PACSIN2: variants seen among roughly 807,000 people sequenced by gnomAD.
PACSIN2 encodes protein kinase C and casein kinase substrate in neurons 2.
In PACSIN2, 25 loss-of-function variants were observed where a neutral mutation model predicts 63.8. The observed-to-expected ratio is 0.39, with a 90% CI of 0.29 to 0.55. The LOEUF (loss-of-function observed/expected upper bound fraction) is 0.55, where lower values mean the gene tolerates loss of function less well. Among genes scored for constraint, PACSIN2 ranks in the 20% least tolerant of loss-of-function variants. PACSIN2 has a pLI of 0.62. For synonymous variants in PACSIN2, 255 were observed against 256.2 expected (o/e 1.00, Z 0.05); for missense variants, 518 against 646.9 (o/e 0.80, Z 2.16).
At chr22:42,890,691 GGA>G (rs377688332) in intron 4 of PACSIN2, among the ~76,000 whole-genome samples, 1 of 152,178 alleles carries the variant, frequency 6.6e-6, no homozygotes, top group African/African-American at 2.4e-5. Flanking sequence ...CTCCAGCCTG[GGA>G]GAGAGAGTGA....
intron 8 of PACSIN2, among the ~76,000 whole-genome samples, chr22:42,878,189 C>A (rs5751398): frequency 6.6e-6 from 1 of 152,220 alleles, no homozygotes; most frequent in Non-Finnish European, 1.5e-5. Flanking sequence ...GGCAGTGTTT[C>A]TTCTTTCCCA....
rs143573507 is a variant in PACSIN2 at position 42,969,544 on chromosome 22, C to T, written c.-78+45477G>A. On this transcript the variant is annotated intron_variant, in intron 1 of 10. Transcript: ENST00000263246. ...CCTCCCACCTCAATAACTCTGGCAA[C>T]GATGACCATTGTAACACCGGCATTA... Among the ~76,000 whole-genome samples the T allele has an allele frequency of 2.8e-3, 433 of 152,252 alleles. 4 individuals are homozygous for T. The highest frequency in any genetic ancestry group is 0.02 in the Middle Eastern group (6 of 294).
At chr22:42,873,222 C>A (rs1372603225) in intron 10 of PACSIN2, among the ~76,000 whole-genome samples, 2 of 152,168 alleles carry the variant, frequency 1.3e-5, no homozygotes, top group Admixed American at 6.5e-5. Flanking sequence ...CTGGAAGAAA[C>A]ATTTTAAATC....
intron 1 of PACSIN2, among the ~76,000 whole-genome samples, chr22:42,927,409 TA>T (rs1932606486): frequency 6.6e-6 from 1 of 152,148 alleles, no homozygotes; most frequent in South Asian, 2.1e-4. Context: ...CATGCCCAGC[TA>T]ATTTTTAAAA....
intron 1 of PACSIN2, among the ~76,000 whole-genome samples, chr22:42,981,592 C>G (rs1922140031): frequency 4.9e-5 from 6 of 123,574 alleles, no homozygotes; most frequent in African/African-American, 6.3e-5. Context: ...CCGGCTGCCC[C>G]TACTGGGAAG....
chr22:43,014,358 A>C, intron 1 of PACSIN2, among the ~76,000 whole-genome samples: 1 of 15,962 alleles, frequency 6.3e-5, no homozygotes, highest in African/African-American at 3.9e-4. Context: ...ACACAGACAC[A>C]CACACACCAC....
In PACSIN2 at chr22:42,871,560, G is replaced by C. The variant is rs1462689947; in HGVS notation, c.1349-91C>G. The C allele has an allele frequency of 1.2e-5, 12 of 997,534 alleles. No homozygotes were observed. The South Asian group carries it at 1.5e-4, about 13-fold the overall frequency. The allele number at this position is 997,534 out of a possible 1,614,324, so 61.8% of individuals were successfully genotyped here. On this transcript the variant is annotated intron_variant, in intron 10 of 10. Transcript: ENST00000263246. This position sits in a 1 kb window ranked among gnomAD's most constrained non-coding sequence, Gnocchi z 5.4. ...ATTCACGAGCTTTGAGCCCACAGAG[G>C]GTGGAGGGCCAGGCATTCTGTGGCG...
intron 1 of PACSIN2, among the ~76,000 whole-genome samples, chr22:42,981,573 C>T (rs1290457009): frequency 2.5e-5 from 3 of 118,358 alleles, no homozygotes; most frequent in African/African-American, 1.0e-4. Context: ...AGGTGAGGGG[C>T]GCCTCTGCCC....
rs1922130664 is a variant in PACSIN2, at chr22:42,981,523, G to A, written c.-78+33498C>T. Among the ~76,000 whole-genome samples, 2 of 98,314 alleles carry A rather than the reference G, an allele frequency of 2.0e-5. 1 individual carries two copies. The highest frequency in any genetic ancestry group is 4.1e-5 in the Non-Finnish European group (2 of 48,574). The allele number at this position is 98,314 out of a possible 152,430, so 64.5% of individuals were successfully genotyped here. A position where few individuals can be genotyped will look rare whatever the true frequency, so the allele number is the denominator to read the frequency against. On this transcript the variant is annotated intron_variant, in intron 1 of 10. Coordinates refer to ENST00000263246, the MANE Select transcript of PACSIN2 (RefSeq NM_001184970.3). ...AGCCGCCCCGTCCGGGAGGGAGGTG[G>A]GGGGGTCAGCCCCCCGCCCGGCCGG...
At chr22:42,985,797 C>A (rs956298244) in intron 1 of PACSIN2, among the ~76,000 whole-genome samples, 1 of 152,126 alleles carries the variant, frequency 6.6e-6, no homozygotes, top group Non-Finnish European at 1.5e-5. Context: ...GACGCCTAAC[C>A]CCTCCCCATG....
At chr22:43,004,425 A>G (rs540269455) in intron 1 of PACSIN2, among the ~76,000 whole-genome samples, 3 of 152,308 alleles carry the variant, frequency 2.0e-5, no homozygotes, top group Non-Finnish European at 4.4e-5. Context: ...ACACATTTGC[A>G]GGAGCAAAGG....
intron 1 of PACSIN2, chr22:42,993,659 C>G (rs932891373): frequency 1.3e-5 from 2 of 152,204 alleles, no homozygotes; most frequent in Admixed American, 6.5e-5. Context: ...ATTTTTTCCA[C>G]GTTGATGATA....
chr22:42,942,833 G>A (rs2413736), intron 1 of PACSIN2, among the ~76,000 whole-genome samples: 91,618 of 152,090 alleles, frequency 0.6, 28,142 homozygotes, highest in East Asian at 0.78. Flanking sequence ...TTTGTAAATT[G>A]GGAAGTGTGA....
At chr22:42,974,656 C>T (rs188416335) in intron 1 of PACSIN2, among the ~76,000 whole-genome samples, 92 of 150,630 alleles carry the variant, frequency 6.1e-4, no homozygotes, top group Non-Finnish European at 1.1e-3. Flanking sequence ...GGCTGAGGCA[C>T]CGTAACTGCT....
chr22:42,931,050 A>C (rs546385881), intron 1 of PACSIN2, among the ~76,000 whole-genome samples: 1 of 152,326 alleles, frequency 6.6e-6, no homozygotes, highest in South Asian at 2.1e-4. Context: ...TCTTTCATTC[A>C]CTCATTCATT....
intron 1 of PACSIN2, among the ~76,000 whole-genome samples, chr22:42,940,786 AAATGTGTCTGTCAAG>A (rs1933122889): frequency 6.6e-6 from 1 of 152,246 alleles, no homozygotes; most frequent in African/African-American, 2.4e-5. Context: ...GAAAAGACCC[AAATGTGTCTGTCAAG>A]AATAGCCAAA....
Position 42,982,887 on chromosome 22 carries a change from A to AAAAAAAAAAAAAAAAAAAAC in PACSIN2, c.-78+32133_-78+32134insGTTTTTTTTTTTTTTTTTTT, listed in dbSNP as rs200348918. ...TGATCAATAAAAAAAAAAAAAAAAA[A>AAAAAAAAAAAAAAAAAAAAC]AAACAACAACAAGGCTAGGAGCAGT... On this transcript the variant is annotated intron_variant, in intron 1 of 10. Transcript: ENST00000263246. Among the ~76,000 whole-genome samples, 117 of 129,468 alleles carry AAAAAAAAAAAAAAAAAAAAC rather than the reference A, an allele frequency of 9.0e-4. 5 individuals are homozygous for AAAAAAAAAAAAAAAAAAAAC. Among genetic ancestry groups the AAAAAAAAAAAAAAAAAAAAC allele is most frequent in the Non-Finnish European group, 1.6e-3 (95 of 58,700 alleles). The allele number at this position is 129,468 out of a possible 152,430, so 84.9% of individuals were successfully genotyped here.
Position 42,888,728 on chromosome 22 carries a change from T to C in PACSIN2, c.524A>G (p.Asn175Ser), listed in dbSNP as rs35383004. 6,473 of 1,614,100 alleles carry C rather than the reference T, an allele frequency of 4.0e-3. 209 individuals carry two copies. In the African/African-American group the frequency reaches 0.075, roughly 19 times the overall value. ...GTTGAGGGATGGGTCTGCCTTGCTG[T>C]TGGCTTCTCGTGAGATAGCCAGCTT... ...EEKLAISREA[N>S]SKADPSLNPE... is the part of the protein sequence containing the mutation. Residue 175 changes from asparagine to serine, a missense_variant, in exon 5 of 11, where the codon AAC becomes AGC. This residue lies in a region of PACSIN2 where 507 missense variants were observed against 612.3 expected (regional missense o/e 0.83). Coordinates refer to ENST00000263246, the MANE Select transcript of PACSIN2 (RefSeq NM_001184970.3).
chr22:42,998,974 T>A (rs953043799), intron 1 of PACSIN2, among the ~76,000 whole-genome samples: 10 of 152,150 alleles, frequency 6.6e-5, no homozygotes, highest in African/African-American at 2.4e-4. Flanking sequence ...CAGCTCCCCA[T>A]CCTGCTGAGA....
Sources: gnomAD v4.1 joint callset for allele counts (sites outside exome capture counted in the v4.1 genomes callset) on GRCh38, gnomAD v4.1.1 for gene constraint, gnomAD v4.1.1 regional missense constraint, Gnocchi (gnomAD v3.1) non-coding constraint, MANE v1.5 for transcripts, NCBI Gene and HGNC (gene_info 2026-07-23, HGNC 2026-07-21) for gene names.